Variants in CYP20A1 observed in about 807,000 individuals in gnomAD.
CYP20A1 encodes cytochrome P450 family 20 subfamily A member 1.
A neutral mutation model predicts 61.4 loss-of-function variants in CYP20A1; 61 were observed. The observed-to-expected ratio is 0.99, with a 90% CI of 0.81 to 1.23. The LOEUF is 1.23. CYP20A1 is among the 50% of genes most tolerant of loss of function. The probability of loss-of-function intolerance (pLI) is 0.00; values close to 1 mark genes in which losing one functional copy is unlikely to be tolerated. For missense variants in CYP20A1, 530 were observed against 542.4 expected, an observed-to-expected ratio of 0.98 and a Z score of 0.23; for synonymous variants, 193 against 188.2, an observed-to-expected ratio of 1.03 and a Z score of -0.21.
At chr2:203,257,317 C>CAAA (rs751345935) in intron 4 of CYP20A1, among the ~76,000 whole-genome samples, 1 of 113,490 alleles carries the variant, frequency 8.8e-6, no homozygotes, top group Non-Finnish European at 1.9e-5. Context: ...GACACTGTCT[C>CAAA]AAAAAAAAAA....
At chr2:203,285,509 G>A in intron 8 of CYP20A1, 103 bp from the exon 9 acceptor site, 2 of 1,312,282 alleles carry the variant, frequency 1.5e-6, no homozygotes, top group South Asian at 2.0e-5. Flanking sequence ...GAGAAAAAAA[G>A]CAAATACAAA....
At position 203,264,519 on chromosome 2, in the gene CYP20A1, G is replaced by C. The variant is rs566075323; in HGVS notation, c.433-1995G>C. On this transcript the variant is annotated intron_variant, in intron 4 of 12. Transcript: ENST00000356079. ...TCATTATTTTACTTTCAACCTCTCT[G>C]TCATCATAATTGGAGGATTTCTCCT... Among the ~76,000 whole-genome samples, 4 of 151,884 alleles carry C rather than the reference G, an allele frequency of 2.6e-5. No individual in the cohort carries two copies. The East Asian group carries it at 5.8e-4, about 22-fold the overall frequency.
intron 5 of CYP20A1, among the ~76,000 whole-genome samples, chr2:203,271,709 G>T (rs1420510344): frequency 2.0e-5 from 3 of 152,114 alleles, no homozygotes; most frequent in Non-Finnish European, 4.4e-5. Flanking sequence ...GTAATTACCT[G>T]TGAATTTTAT....
chr2:203,263,287 C>CT lies in CYP20A1; in HGVS notation c.433-3212dup, dbSNP rs78877357. Among the ~76,000 whole-genome samples the CT allele has an allele frequency of 8.6e-3, 1,160 of 134,688 alleles. 12 individuals carry two copies. Among genetic ancestry groups the CT allele is most frequent in the South Asian group, 0.014 (58 of 4,180 alleles). 88.4% of individuals were successfully genotyped at this position (134,688 alleles called of 152,430 possible). On this transcript the variant is annotated intron_variant, in intron 4 of 12. Coordinates refer to ENST00000356079, the MANE Select transcript of CYP20A1 (RefSeq NM_177538.3). Reference sequence around the variant, plus strand: ...TACAGGCGTGAGCCACTGCGCCTGGCTTTTTTTTTTTTTTTAAATTTTAGG... The same window carrying CT: ...TACAGGCGTGAGCCACTGCGCCTGGCTTTTTTTTTTTTTTTTAAATTTTAGG...
chr2:203,271,071 TATATATA>T lies in CYP20A1; in HGVS notation c.601-1598_601-1592del, dbSNP rs2067562707. ...GTATATGTGTATATATATATATATATATATATATATATTTTTTTTTTTTTTTTTTTTT... is the reference window on the plus strand; with the variant it reads ...GTATATGTGTATATATATATATATATTATATTTTTTTTTTTTTTTTTTTTT... On this transcript the variant is annotated intron_variant, in intron 5 of 12. Coordinates refer to ENST00000356079, the MANE Select transcript of CYP20A1 (RefSeq NM_177538.3). Among the ~76,000 whole-genome samples, 155 of 84,920 alleles carry T rather than the reference TATATATA, an allele frequency of 1.8e-3. 2 individuals are homozygous for T. The highest frequency in any genetic ancestry group is 2.7e-3 in the Non-Finnish European group (115 of 42,406). 55.7% of individuals were successfully genotyped at this position (84,920 alleles called of 152,430 possible).
intron 6 of CYP20A1, among the ~76,000 whole-genome samples, chr2:203,276,918 G>A (rs1437704515): frequency 6.6e-6 from 1 of 152,158 alleles, no homozygotes; most frequent in Non-Finnish European, 1.5e-5. Context: ...TCCCAAAACA[G>A]CCCTGTCCTT....
intron 4 of CYP20A1, among the ~76,000 whole-genome samples, chr2:203,262,449 A>T (rs898170473): frequency 2.0e-5 from 3 of 152,008 alleles, no homozygotes; most frequent in South Asian, 2.1e-4. Context: ...ATTTTGTTAA[A>T]TTTTTTTACA....
rs114801571 is a variant in CYP20A1, at chr2:203,239,212, C to A, written c.72+78C>A. ...TCGCCGGCATCCAGGCCAACCTGCC[C>A]GCTGCGGGCCGCAGGGGGCGGGCCT... On this transcript the variant is annotated intron_variant, in intron 1 of 12. Coordinates refer to ENST00000356079, the MANE Select transcript of CYP20A1 (RefSeq NM_177538.3). 626 of 1,247,302 alleles carry A rather than the reference C, an allele frequency of 5.0e-4. 2 individuals carry two copies. The African/African-American group carries it at 5.3e-3, about 11-fold the overall frequency. The allele number at this position is 1,247,302 out of a possible 1,614,324, so 77.3% of individuals were successfully genotyped here.
chr2:203,297,069 AATTC>A lies in CYP20A1; in HGVS notation c.*165_*168del, dbSNP rs1271856435. 5 of 507,940 alleles carry A rather than the reference AATTC, an allele frequency of 9.8e-6. No individual in the cohort carries two copies. The highest frequency in any genetic ancestry group is 1.7e-5 in the Non-Finnish European group (5 of 292,190). The allele number at this position is 507,940 out of a possible 1,614,324, so 31.5% of individuals were successfully genotyped here. ...GGATTTTTATATATCATATTTTCTT[AATTC>A]ATTGTACACATTTGACTTACTGCAC... On this transcript the variant is annotated 3_prime_UTR_variant, in exon 13 of 13. Transcript: ENST00000356079.
At chr2:203,277,124 G>A (rs1203008449) in intron 6 of CYP20A1, among the ~76,000 whole-genome samples, 2 of 152,104 alleles carry the variant, frequency 1.3e-5, no homozygotes, top group East Asian at 1.9e-4. Context: ...TGACATGGGC[G>A]GATCACAAGG....
rs535072602 is a variant in CYP20A1 at position 203,299,594 on chromosome 2, G to T, written c.*2686G>T. Among the ~76,000 whole-genome samples the T allele has an allele frequency of 6.6e-4, 100 of 152,102 alleles. 1 individual carries two copies. The highest frequency in any genetic ancestry group is 2.3e-3 in the African/African-American group (94 of 41,494). On this transcript the variant is annotated 3_prime_UTR_variant, in exon 13 of 13. Coordinates refer to ENST00000356079, the MANE Select transcript of CYP20A1 (RefSeq NM_177538.3). ...GAATAACTTAAATTCTAAAACTTTG[G>T]CCGGGCGTGATGGCTCATGCCTGTA...
At position 203,296,526 on chromosome 2, in the gene CYP20A1, C is replaced by T; in HGVS notation, c.1201C>T (p.Leu401Phe). The part of the protein sequence containing the change: ...DELVMKTFSS[L>F]GFSGTQECPE... ...ATTAGTAATGAAAACTTTTTCCTCA[C>T]TTGGATTCTCAGGCACACAGGAGTG... The change falls in exon 12 of 13, where the codon CTT becomes TTT. Residue 401 changes from leucine (L) to phenylalanine (F), a missense_variant. Leu to Phe is a conservative substitution (Grantham distance 22, BLOSUM62 0). Transcript: ENST00000356079. 1 of 1,612,798 alleles carries T rather than the reference C, an allele frequency of 6.2e-7. No homozygotes were observed. Among genetic ancestry groups the T allele is most frequent in the South Asian group, 1.1e-5 (1 of 90,860 alleles).
rs1420196805 is a variant in CYP20A1, at chr2:203,301,762, T to G, written c.*4854T>G. On this transcript the variant is annotated 3_prime_UTR_variant, in exon 13 of 13. Transcript: ENST00000356079. ...TAACTTATAACCCCTATGTCAAAATTTGTTTATCTTAAAATAGTTTGTATA... is the reference window on the plus strand; with the variant it reads ...TAACTTATAACCCCTATGTCAAAATGTGTTTATCTTAAAATAGTTTGTATA... 6.6e-6 allele frequency among the ~76,000 whole-genome samples: 1 copy of G among 152,108 alleles called. No individual in the cohort carries two copies. The highest frequency in any genetic ancestry group is 6.6e-5 in the Admixed American group (1 of 15,256).
chr2:203,280,229 C>A, intron 8 of CYP20A1, 116 bp downstream of exon 8: 1 of 715,430 alleles, frequency 1.4e-6, no homozygotes. Flanking sequence ...TTGCTTGAGG[C>A]CAGGAGTTGG....
intron 7 of CYP20A1, among the ~76,000 whole-genome samples, chr2:203,279,023 G>A (rs1449550719): frequency 6.6e-6 from 1 of 152,058 alleles, no homozygotes; most frequent in African/African-American, 2.4e-5. Context: ...GGAGTGCAGT[G>A]GCACGATCTC....
rs1429450447 is a variant in CYP20A1, at chr2:203,303,940, G to T, written c.*7032G>T. ...CCACTAATATTTAAAGAAATTTTTG[G>T]CTGGTGCCGTGGCTCACACCTGTAA... On this transcript the variant is annotated 3_prime_UTR_variant, in exon 13 of 13. Transcript: ENST00000356079. Among the ~76,000 whole-genome samples, 2 of 151,470 alleles carry T rather than the reference G, an allele frequency of 1.3e-5. No individual in the cohort carries two copies. The highest frequency in any genetic ancestry group is 2.4e-5 in the African/African-American group (1 of 41,260).
intron 3 of CYP20A1, 150 bp from the exon 4 acceptor site, chr2:203,251,817 A>ATATATGTGTATATATATATATAT (rs34111991): frequency 7.3e-5 from 7 of 95,314 alleles, no homozygotes; most frequent in Admixed American, 1.4e-4. Flanking sequence ...ATATATATAT[A>ATATATGTGTATATATATATATAT]AAAAATAAAA....
chr2:203,251,333 A>T (rs556766273), intron 3 of CYP20A1, among the ~76,000 whole-genome samples: 22 of 151,904 alleles, frequency 1.4e-4, no homozygotes, highest in African/African-American at 5.3e-4. Context: ...AATCAGGGGA[A>T]TGTGCTTTTT....
At chr2:203,291,385 T>C (rs573212604) in intron 10 of CYP20A1, among the ~76,000 whole-genome samples, 77 of 152,340 alleles carry the variant, frequency 5.1e-4, no homozygotes, top group African/African-American at 1.7e-3. Flanking sequence ...TTTATACTTC[T>C]AGCAACAATG....
Sources: gnomAD v4.1 joint callset for allele counts (sites outside exome capture counted in the v4.1 genomes callset) on GRCh38, gnomAD v4.1.1 for gene constraint, MANE v1.5 for transcripts, NCBI Gene and HGNC (gene_info 2026-07-23, HGNC 2026-07-21) for gene names.